DPYD: variants seen among roughly 807,000 people sequenced by gnomAD.
The protein encoded by DPYD is dihydropyrimidine dehydrogenase [NADP(+)].
A neutral mutation model predicts 116.2 loss-of-function variants in DPYD; 109 were observed. The ratio of observed to expected loss-of-function variants is 0.94; its 90% CI spans 0.80 to 1.10. The LOEUF (loss-of-function observed/expected upper bound fraction) is 1.10, where lower values mean the gene tolerates loss of function less well. DPYD is among the 50% of genes least tolerant of loss of function. The pLI, the probability that DPYD is intolerant of heterozygous loss-of-function variation, is 0.00. For missense variants in DPYD, 1,302 were observed against 1,254.5 expected (o/e 1.04, Z -0.57); for synonymous variants, 440 against 432.0 (o/e 1.02, Z -0.23).
chr1:97,563,090 C>T (rs942552979), intron 11 of DPYD, among the ~76,000 whole-genome samples: 3 of 152,086 alleles, frequency 2.0e-5, no homozygotes, highest in Non-Finnish European at 4.4e-5. Flanking sequence ...GAGTCAAGAA[C>T]AGAAACACAA....
chr1:97,450,705 T>A (rs1676368277), intron 13 of DPYD, among the ~76,000 whole-genome samples: 2 of 152,044 alleles, frequency 1.3e-5, no homozygotes, highest in African/African-American at 2.4e-5. Flanking sequence ...AATATTAGTA[T>A]TACTGGCTCA....
chr1:97,588,496 C>A (rs926442750), intron 10 of DPYD, among the ~76,000 whole-genome samples: 1 of 152,168 alleles, frequency 6.6e-6, no homozygotes, highest in Non-Finnish European at 1.5e-5. Context: ...GACCTTCATG[C>A]CTCCTTTTAG....
intron 14 of DPYD, among the ~76,000 whole-genome samples, chr1:97,401,800 T>TA (rs1266360437): frequency 6.6e-6 from 1 of 152,194 alleles, no homozygotes; most frequent in African/African-American, 2.4e-5. Flanking sequence ...CATTTAGAGT[T>TA]AATTTTGGTG....
chr1:97,363,211 T>C (rs868777967), intron 16 of DPYD, among the ~76,000 whole-genome samples: 15 of 152,314 alleles, frequency 9.8e-5, no homozygotes, highest in Middle Eastern at 6.8e-3. Flanking sequence ...ATGCTCATCA[T>C]CACTGGTCAT....
intron 20 of DPYD, among the ~76,000 whole-genome samples, chr1:97,162,454 C>T (rs1357122606): frequency 6.6e-6 from 1 of 152,130 alleles, no homozygotes; most frequent in Non-Finnish European, 1.5e-5. Context: ...AGGAGAACTA[C>T]AAACCACTGC....
At chr1:97,495,856 C>A (rs1679233664) in intron 13 of DPYD, among the ~76,000 whole-genome samples, 1 of 152,102 alleles carries the variant, frequency 6.6e-6, no homozygotes, top group African/African-American at 2.4e-5. Context: ...TAGAACTCTG[C>A]ATTAGTACCT....
chr1:97,559,648 T>C (rs951494372), intron 11 of DPYD, among the ~76,000 whole-genome samples: 1 of 152,194 alleles, frequency 6.6e-6, no homozygotes, highest in African/African-American at 2.4e-5. Context: ...ACGGCTTTTT[T>C]TTTTCCTTGT....
At chr1:97,405,002 A>T (rs191968468) in intron 14 of DPYD, among the ~76,000 whole-genome samples, 3 of 149,232 alleles carry the variant, frequency 2.0e-5, no homozygotes, top group Admixed American at 2.0e-4. Flanking sequence ...TACAATATAC[A>T]TCTATAGCTA....
intron 12 of DPYD, among the ~76,000 whole-genome samples, chr1:97,526,331 A>G (rs779618163): frequency 6.6e-6 from 1 of 151,954 alleles, no homozygotes; most frequent in Admixed American, 6.6e-5. Flanking sequence ...CCCTCTTCCA[A>G]TTGGCTTTCT....
intron 12 of DPYD, among the ~76,000 whole-genome samples, chr1:97,518,547 C>A (rs7519652): frequency 0.29 from 43,473 of 151,968 alleles, 6,338 homozygotes; most frequent in East Asian, 0.48. Context: ...CAATTGCAAT[C>A]TCCAAACTCA....
intron 13 of DPYD, among the ~76,000 whole-genome samples, chr1:97,460,853 AC>A (rs984306189): frequency 3.9e-5 from 6 of 152,074 alleles, no homozygotes; most frequent in African/African-American, 1.2e-4. Context: ...AGCCTGACCA[AC>A]AGGGAGAAAC....
chr1:97,288,321 C>A (rs1023699210), intron 18 of DPYD, among the ~76,000 whole-genome samples: 29 of 150,890 alleles, frequency 1.9e-4, no homozygotes, highest in African/African-American at 7.1e-4. Context: ...CAACTCAGCT[C>A]TGCACCAAGG....
chr1:97,641,256 C>T (rs7512910), intron 8 of DPYD, among the ~76,000 whole-genome samples: 20,396 of 152,008 alleles, frequency 0.13, 1,463 homozygotes, highest in African/African-American at 0.15. Context: ...GGCAATTTGG[C>T]TGAAATCTGG....
chr1:97,905,062 A>C (rs983549521), intron 1 of DPYD, among the ~76,000 whole-genome samples: 2 of 152,068 alleles, frequency 1.3e-5, no homozygotes, highest in Non-Finnish European at 2.9e-5. Flanking sequence ...ATGGAAGTAT[A>C]CTATTTTAGA....
chr1:97,162,368 C>T (rs1283063345), intron 20 of DPYD, among the ~76,000 whole-genome samples: 2 of 152,078 alleles, frequency 1.3e-5, no homozygotes, highest in African/African-American at 4.8e-5. Flanking sequence ...CATGAGTGAA[C>T]TCCCATTCAC....
chr1:97,162,157 A>T (rs903061230), intron 20 of DPYD, among the ~76,000 whole-genome samples: 4 of 152,122 alleles, frequency 2.6e-5, no homozygotes, highest in African/African-American at 9.7e-5. Context: ...ACTGACTTCC[A>T]CAGTGGTTGA....
chr1:97,712,926 G>C (rs984014613), intron 5 of DPYD, among the ~76,000 whole-genome samples: 3 of 152,032 alleles, frequency 2.0e-5, no homozygotes, highest in Admixed American at 6.6e-5. Context: ...CATGCAAGAT[G>C]TTTTTGGCAC....
chr1:97,708,464 C>T (rs545488561), intron 5 of DPYD, among the ~76,000 whole-genome samples: 23 of 152,062 alleles, frequency 1.5e-4, no homozygotes, highest in Admixed American at 6.6e-4. Flanking sequence ...GCTATATTTA[C>T]GTGTGTCTAT....
intron 20 of DPYD, among the ~76,000 whole-genome samples, chr1:97,173,474 A>C (rs1247089684): frequency 1.3e-5 from 1 of 74,284 alleles, no homozygotes; most frequent in South Asian, 6.3e-4. Context: ...TACACACATA[A>C]TGTGTATATA....
Sources: allele counts gnomAD v4.1 joint callset (sites outside exome capture counted in the v4.1 genomes callset), GRCh38; gene constraint gnomAD v4.1.1; transcripts MANE v1.5; gene names NCBI Gene and HGNC (gene_info 2026-07-23, HGNC 2026-07-21).